ALMS1: variants seen among roughly 807,000 people sequenced by gnomAD.
ALMS1 encodes the protein centrosome-associated protein ALMS1.
In ALMS1, 271 loss-of-function variants were observed where a neutral mutation model predicts 352.2. The ratio of observed to expected loss-of-function variants is 0.77; its 90% CI spans 0.70 to 0.85. ALMS1 has a LOEUF of 0.85. Ranked by LOEUF, ALMS1 falls within the 40% of genes least tolerant of loss-of-function variation. ALMS1 has a pLI of 0.00. For missense variants in ALMS1, 5,445 were observed against 4,870.7 expected (o/e 1.12, Z -3.51); for synonymous variants, 1,865 against 1,761.2 (o/e 1.06, Z -1.48).
intron 16 of ALMS1, among the ~76,000 whole-genome samples, chr2:73,580,472 T>A (rs1295393933): frequency 6.6e-6 from 1 of 152,248 alleles, no homozygotes; most frequent in African/African-American, 2.4e-5. Context: ...TTCCTTTAGT[T>A]CTTTATCCAT....
chr2:73,423,552 G>T (rs770485522), intron 4 of ALMS1, among the ~76,000 whole-genome samples: 3 of 127,688 alleles, frequency 2.3e-5, no homozygotes, highest in Non-Finnish European at 4.9e-5. Context: ...AATTATTCAA[G>T]AATATGTTTT....
intron 14 of ALMS1, among the ~76,000 whole-genome samples, chr2:73,557,603 TTAATC>T (rs949823967): frequency 4.6e-5 from 7 of 152,114 alleles, no homozygotes; most frequent in Non-Finnish European, 7.4e-5. Context: ...AGTAAACAAA[TTAATC>T]TAATTTCCAG....
chr2:73,439,251 G>T (rs1327377453), intron 7 of ALMS1, among the ~76,000 whole-genome samples: 1 of 150,922 alleles, frequency 6.6e-6, no homozygotes, highest in Admixed American at 6.6e-5. Flanking sequence ...GAGTAGCTAG[G>T]ACTATAAATG....
At chr2:73,424,119 A>T (rs975984174) in intron 4 of ALMS1, among the ~76,000 whole-genome samples, 2 of 152,146 alleles carry the variant, frequency 1.3e-5, no homozygotes, top group African/African-American at 4.8e-5. Flanking sequence ...ACTAGTAAAA[A>T]AGTTAACGCA....
In ALMS1 at chr2:73,490,018, G is replaced by A. The variant is rs1042006951; in HGVS notation, c.8059G>A (p.Ala2687Thr). The change falls in exon 10 of 23, where the codon GCT becomes ACT. Residue 2687 changes from alanine (A) to threonine (T), a missense_variant. By Grantham distance (58) the Ala-to-Thr change is moderately conservative (BLOSUM62 0). Transcript: ENST00000613296. ...TTGGCTGTCAGAATTAGTAGAACCT[G>A]CTTTTGTGCCACCTAAAGAAGTGGA... ...DPWLSELVEP[A>T]FVPPKEVDFH... The A allele has an allele frequency of 2.5e-6, 4 of 1,614,084 alleles. No homozygotes were observed. Among genetic ancestry groups the A allele is most frequent in the African/African-American group, 1.3e-5 (1 of 74,936 alleles).
intron 12 of ALMS1, among the ~76,000 whole-genome samples, chr2:73,549,371 A>G (rs1469374878): frequency 6.6e-6 from 1 of 152,158 alleles, no homozygotes; most frequent in Non-Finnish European, 1.5e-5. Flanking sequence ...TAAATATATT[A>G]TTATTTTGTT....
At chr2:73,410,773 A>G (rs1319750653) in intron 2 of ALMS1, among the ~76,000 whole-genome samples, 1 of 152,170 alleles carries the variant, frequency 6.6e-6, no homozygotes, top group Non-Finnish European at 1.5e-5. Context: ...GATAGGAAAA[A>G]AGCTCATGTA....
intron 2 of ALMS1, among the ~76,000 whole-genome samples, chr2:73,412,283 C>G (rs1240223017): frequency 6.6e-6 from 1 of 152,208 alleles, no homozygotes; most frequent in Non-Finnish European, 1.5e-5. Flanking sequence ...CTGGCAACTA[C>G]TTATCCAATT....
intron 7 of ALMS1, among the ~76,000 whole-genome samples, chr2:73,436,351 CTA>C (rs1271582951): frequency 6.6e-6 from 1 of 152,188 alleles, no homozygotes; most frequent in East Asian, 1.9e-4. Flanking sequence ...TGATATGTCT[CTA>C]TGTGAATCTC....
intron 9 of ALMS1, among the ~76,000 whole-genome samples, chr2:73,482,294 T>C (rs1314566811): frequency 6.6e-6 from 1 of 152,218 alleles, no homozygotes; most frequent in Non-Finnish European, 1.5e-5. Flanking sequence ...TGAAGTGTTG[T>C]TGAATTTTGT....
Position 73,601,366 on chromosome 2 carries a change from G to A in ALMS1, c.12044G>A (p.Gly4015Asp), listed in dbSNP as rs200462734. The A allele has an allele frequency of 3.8e-4, 620 of 1,614,168 alleles. No individual in the cohort carries two copies. Among genetic ancestry groups the A allele is most frequent in the Non-Finnish European group, 4.9e-4 (584 of 1,180,000 alleles). ...CAGGGGCAGCACCTGGACGGTCGGG[G>A]CTACCTGGCAGGCCCAGGCAGAGAG... is the stretch of plus-strand genomic sequence containing the variant. ...NCQGQHLDGR[G>D]YLAGPGREAG... Residue 4015 changes from glycine to aspartate, a missense_variant, in exon 19 of 23, where the codon GGC becomes GAC. By Grantham distance (94) the Gly-to-Asp change is moderately conservative. Coordinates refer to ENST00000613296, the MANE Select transcript of ALMS1 (RefSeq NM_001378454.1).
At chr2:73,566,752 A>G (rs1365536532) in intron 15 of ALMS1, among the ~76,000 whole-genome samples, 3 of 152,162 alleles carry the variant, frequency 2.0e-5, no homozygotes, top group South Asian at 2.1e-4. Flanking sequence ...TCAGATACCA[A>G]TTGCATGGCT....
intron 10 of ALMS1, among the ~76,000 whole-genome samples, chr2:73,510,508 C>T (rs1459170235): frequency 6.6e-6 from 1 of 152,234 alleles, no homozygotes; most frequent in African/African-American, 2.4e-5. Flanking sequence ...TGGGGGTCCA[C>T]TCCAGACCCT....
intron 12 of ALMS1, among the ~76,000 whole-genome samples, chr2:73,538,355 T>C (rs989368637): frequency 6.6e-6 from 1 of 152,134 alleles, no homozygotes; most frequent in Non-Finnish European, 1.5e-5. Flanking sequence ...CATAGTAAGA[T>C]ACCACTTCAC....
At chr2:73,592,861 G>A (rs1675461087) in intron 16 of ALMS1, among the ~76,000 whole-genome samples, 1 of 152,118 alleles carries the variant, frequency 6.6e-6, no homozygotes, top group African/African-American at 2.4e-5. Flanking sequence ...CTCTGAGATG[G>A]TACATTTACT....
intron 1 of ALMS1, among the ~76,000 whole-genome samples, chr2:73,394,254 G>A (rs1207100932): frequency 1.3e-5 from 2 of 152,188 alleles, no homozygotes; most frequent in African/African-American, 4.8e-5. Context: ...TTTTAGATTA[G>A]CTTGTCAGTT....
chr2:73,403,076 C>T (rs1256532994), intron 1 of ALMS1, among the ~76,000 whole-genome samples: 1 of 152,118 alleles, frequency 6.6e-6, no homozygotes. Context: ...GTAGCCTGAG[C>T]TTTTGTTGTG....
At chr2:73,538,369 C>T (rs1674078200) in intron 12 of ALMS1, among the ~76,000 whole-genome samples, 1 of 152,142 alleles carries the variant, frequency 6.6e-6, no homozygotes, top group African/African-American at 2.4e-5. Flanking sequence ...ACTTCACACC[C>T]ATTACAATCA....
At chr2:73,403,917 TGAG>T (rs1670920472) in intron 1 of ALMS1, among the ~76,000 whole-genome samples, 1 of 152,228 alleles carries the variant, frequency 6.6e-6, no homozygotes. Context: ...TTTTTCTTTT[TGAG>T]ACAGAGTCTC....
Sources: gnomAD v4.1 joint callset for allele counts (sites outside exome capture counted in the v4.1 genomes callset) on GRCh38, gnomAD v4.1.1 for gene constraint, MANE v1.5 for transcripts, NCBI Gene and HGNC (gene_info 2026-07-23, HGNC 2026-07-21) for gene names.